The following FOXN3 variants were observed in gnomAD, a reference collection of about 807,000 sequenced individuals.
FOXN3 encodes the protein forkhead box N3.
FOXN3 carries 7 observed loss-of-function variants against 38.4 expected under a neutral mutation model. The ratio of observed to expected loss-of-function variants is 0.18; its 90% CI spans 0.10 to 0.34. The LOEUF (loss-of-function observed/expected upper bound fraction) is 0.34, where lower values mean the gene tolerates loss of function less well. Among genes scored for constraint, FOXN3 ranks in the 10% least tolerant of loss-of-function variants. The pLI is 1.00. For missense variants in FOXN3, 456 were observed against 613.4 expected (o/e 0.74, Z 2.71); for synonymous variants, 230 against 242.2 (o/e 0.95, Z 0.47).
rs145232437 is a variant in FOXN3 at position 89,193,615 on chromosome 14, G to A, written c.746-12809C>T. 1.4e-4 allele frequency among the ~76,000 whole-genome samples: 21 copies of A among 152,190 alleles called. 1 individual carries two copies. In the East Asian group the frequency reaches 3.5e-3, roughly 25 times the overall value. On this transcript the variant is annotated intron_variant, in intron 4 of 5. Coordinates refer to ENST00000557258, the MANE Select transcript of FOXN3 (RefSeq NM_005197.4). ...TATCGCTGAGTGGTAGTCACTGAAC[G>A]GAAATACCGCAATCCATTCACCGGT...
At chr14:89,596,454 A>T (rs1440619074) in intron 1 of FOXN3, among the ~76,000 whole-genome samples, 1 of 152,118 alleles carries the variant, frequency 6.6e-6, no homozygotes, top group Non-Finnish European at 1.5e-5. Flanking sequence ...GGATTTTAAA[A>T]TTTATATTCA....
intron 4 of FOXN3, among the ~76,000 whole-genome samples, chr14:89,181,076 A>C (rs906465439): frequency 6.6e-6 from 1 of 151,988 alleles, no homozygotes; most frequent in Non-Finnish European, 1.5e-5. Flanking sequence ...GCACACACAC[A>C]CGTGCACACA....
upstream of FOXN3, chr14:89,419,093 C>T (rs1391124286): frequency 2.2e-6 from 1 of 455,808 alleles, no homozygotes; most frequent in South Asian, 1.5e-5. Flanking sequence ...TGGAATATGT[C>T]ATTCCATGTG....
At chr14:89,447,814 C>CTTTTTTTTTTTTT (rs3057950) in intron 1 of FOXN3, among the ~76,000 whole-genome samples, 3 of 92,784 alleles carry the variant, frequency 3.2e-5, no homozygotes, top group African/African-American at 1.3e-4. Context: ...GCCTTTCTTC[C>CTTTTTTTTTTTTT]TTTTTTTTTT....
chr14:89,474,496 C>T (rs1459486823), intron 1 of FOXN3, among the ~76,000 whole-genome samples: 2 of 152,152 alleles, frequency 1.3e-5, no homozygotes. Context: ...AAGAACTGTA[C>T]AAATAAAAGC....
intron 1 of FOXN3, among the ~76,000 whole-genome samples, chr14:89,481,983 C>T (rs1317799042): frequency 6.6e-6 from 1 of 152,134 alleles, no homozygotes; most frequent in Non-Finnish European, 1.5e-5. Flanking sequence ...TGACCCTGCA[C>T]CTAGCCCATA....
intron 1 of FOXN3, among the ~76,000 whole-genome samples, chr14:89,476,903 A>G (rs1215459544): frequency 6.6e-6 from 1 of 152,182 alleles, no homozygotes; most frequent in African/African-American, 2.4e-5. Context: ...GTAAGGCGCC[A>G]GGAGGGAGAA....
chr14:89,437,337 C>T (rs1277060530), intron 1 of FOXN3, among the ~76,000 whole-genome samples: 1 of 152,104 alleles, frequency 6.6e-6, no homozygotes, highest in Non-Finnish European at 1.5e-5. Flanking sequence ...TGAGGCAAAA[C>T]ATGACACCCG....
intron 1 of FOXN3, among the ~76,000 whole-genome samples, chr14:89,578,738 C>T (rs548134789): frequency 5.3e-5 from 8 of 152,170 alleles, no homozygotes; most frequent in East Asian, 1.9e-4. Flanking sequence ...CTTTTTTTGC[C>T]GTTCCACTTC....
intron 4 of FOXN3, among the ~76,000 whole-genome samples, chr14:89,241,119 A>G (rs1382618234): frequency 6.6e-6 from 1 of 152,198 alleles, no homozygotes; most frequent in African/African-American, 2.4e-5. Context: ...TCTGAGTGAC[A>G]TGTAGTGGCT....
intron 2 of FOXN3, 33 bp from the exon 3 acceptor site, chr14:89,350,841 T>C (rs1888937817): frequency 4.0e-6 from 6 of 1,483,472 alleles, no homozygotes; most frequent in African/African-American, 1.4e-5. Context: ...AAGGCATTAA[T>C]AGAGAATTAT....
intron 5 of FOXN3, among the ~76,000 whole-genome samples, chr14:89,174,731 C>T (rs1009748011): frequency 6.6e-5 from 10 of 152,178 alleles, no homozygotes; most frequent in Admixed American, 2.6e-4. Flanking sequence ...AAACTACGCT[C>T]GCTGAAATGG....
intron 4 of FOXN3, among the ~76,000 whole-genome samples, chr14:89,198,279 C>A (rs1888149363): frequency 6.6e-6 from 1 of 152,034 alleles, no homozygotes; most frequent in African/African-American, 2.4e-5. Flanking sequence ...TTATAAGTAA[C>A]CTAGAGATAA....
intron 3 of FOXN3, chr14:89,290,427 G>C (rs1393446008): frequency 2.7e-6 from 1 of 376,416 alleles, no homozygotes; most frequent in African/African-American, 2.2e-5. Context: ...AATGTACTTG[G>C]AGTTGGTCAT....
chr14:89,268,205 G>A (rs1886043055), intron 4 of FOXN3, among the ~76,000 whole-genome samples: 1 of 152,204 alleles, frequency 6.6e-6, no homozygotes, highest in Admixed American at 6.5e-5. Context: ...CAAGAAGTAA[G>A]TGAAATTACA....
intron 1 of FOXN3, among the ~76,000 whole-genome samples, chr14:89,564,511 C>A (rs1895310500): frequency 6.6e-6 from 1 of 152,160 alleles, no homozygotes; most frequent in Admixed American, 6.5e-5. Context: ...GACTCAGGTT[C>A]CTCACTTGAC....
At chr14:89,487,481 A>G (rs902771591) in intron 1 of FOXN3, among the ~76,000 whole-genome samples, 19 of 152,358 alleles carry the variant, frequency 1.2e-4, no homozygotes, top group Admixed American at 1.1e-3. Flanking sequence ...CTACTGAGTC[A>G]GAATACATTA....
At chr14:89,236,771 T>C (rs1884994526) in intron 4 of FOXN3, among the ~76,000 whole-genome samples, 1 of 152,218 alleles carries the variant, frequency 6.6e-6, no homozygotes, top group Non-Finnish European at 1.5e-5. Flanking sequence ...AAGCCTCTAG[T>C]TTTCTGGCCT....
intron 1 of FOXN3, among the ~76,000 whole-genome samples, chr14:89,601,791 A>T (rs1043193453): frequency 6.6e-6 from 1 of 151,930 alleles, no homozygotes; most frequent in Non-Finnish European, 1.5e-5. Context: ...TTGTTTGTCT[A>T]CACTCCATCT....
Sources: allele counts gnomAD v4.1 joint callset (sites outside exome capture counted in the v4.1 genomes callset), GRCh38; gene constraint gnomAD v4.1.1; transcripts MANE v1.5; gene names NCBI Gene and HGNC (gene_info 2026-07-23, HGNC 2026-07-21).